Variants in R3HCC1L observed in about 807,000 individuals in gnomAD.
R3HCC1L encodes the protein coiled-coil domain-containing protein R3HCC1L.
Under a neutral mutation model 59.9 loss-of-function variants are expected in R3HCC1L, and 51 were observed. The observed-to-expected ratio is 0.85, with a 90% CI of 0.68 to 1.07. R3HCC1L has a LOEUF of 1.07. Among genes scored for constraint, R3HCC1L ranks in the 50% least tolerant of loss-of-function variants. The pLI, the probability that R3HCC1L is intolerant of heterozygous loss-of-function variation, is 0.00. For synonymous variants in R3HCC1L, 322 were observed against 315.2 expected (o/e 1.02, Z -0.23); for missense variants, 965 against 933.0 (o/e 1.03, Z -0.45).
intron 4 of R3HCC1L, among the ~76,000 whole-genome samples, chr10:98,202,938 G>A (rs990757956): frequency 6.6e-6 from 1 of 152,056 alleles, no homozygotes; most frequent in African/African-American, 2.4e-5. Flanking sequence ...TCACTGTGGA[G>A]GTGTTCTAGA....
intron 4 of R3HCC1L, among the ~76,000 whole-genome samples, chr10:98,189,284 G>T (rs1212545411): frequency 1.3e-5 from 2 of 152,182 alleles, no homozygotes; most frequent in Non-Finnish European, 2.9e-5. Context: ...TAGTACAGCT[G>T]TGCATTGCAT....
chr10:98,211,641 A>T (rs533640007), intron 5 of R3HCC1L, among the ~76,000 whole-genome samples: 24 of 152,274 alleles, frequency 1.6e-4, no homozygotes, highest in East Asian at 9.6e-4. Flanking sequence ...CCAAAAGAAG[A>T]GCGTGGCTCT....
intron 4 of R3HCC1L, among the ~76,000 whole-genome samples, chr10:98,185,622 A>G (rs897223548): frequency 6.6e-6 from 1 of 152,234 alleles, no homozygotes; most frequent in African/African-American, 2.4e-5. Context: ...TGAGAATCTG[A>G]AAGAAGAGCC....
chr10:98,217,836 G>T (rs1440741457), intron 5 of R3HCC1L, among the ~76,000 whole-genome samples: 2 of 151,554 alleles, frequency 1.3e-5, no homozygotes, highest in East Asian at 1.9e-4. Flanking sequence ...TGCTATTGGT[G>T]TACAGAAATG....
chr10:98,244,067 G>A (rs780236403), intron 9 of R3HCC1L, 24 bp from the exon 10 acceptor site: 4 of 1,609,056 alleles, frequency 2.5e-6, no homozygotes, highest in South Asian at 1.1e-5. Context: ...AGACAACTGT[G>A]GTTAATACTG....
At chr10:98,163,443 TTACTC>T (rs1464523611) in intron 4 of R3HCC1L, 46 bp downstream of exon 4, 21 of 1,133,460 alleles carry the variant, frequency 1.9e-5, no homozygotes, top group Middle Eastern at 2.1e-4. Context: ...TACTGTCTGT[TTACTC>T]TAAAGATTTG....
intron 4 of R3HCC1L, among the ~76,000 whole-genome samples, chr10:98,169,216 AG>A (rs1212334445): frequency 6.6e-6 from 1 of 152,208 alleles, no homozygotes; most frequent in Non-Finnish European, 1.5e-5. Flanking sequence ...ATGGATTCTA[AG>A]CAAATTGTGA....
intron 1 of R3HCC1L, among the ~76,000 whole-genome samples, chr10:98,135,483 CTA>C (rs1382888679): frequency 6.6e-6 from 1 of 152,198 alleles, no homozygotes; most frequent in Non-Finnish European, 1.5e-5. Context: ...GCTTTGAACT[CTA>C]AAGTATGTTT....
At chr10:98,198,282 A>G (rs1484244058) in intron 4 of R3HCC1L, among the ~76,000 whole-genome samples, 1 of 152,248 alleles carries the variant, frequency 6.6e-6, no homozygotes, top group East Asian at 1.9e-4. Context: ...ATCACTTAAT[A>G]TAATTTTTAA....
chr10:98,198,158 C>T (rs923120878), intron 4 of R3HCC1L, among the ~76,000 whole-genome samples: 6 of 151,888 alleles, frequency 4.0e-5, no homozygotes, highest in African/African-American at 1.5e-4. Flanking sequence ...TGATACTGTT[C>T]ACCAAACTAT....
At chr10:98,187,878 A>G (rs538490341) in intron 4 of R3HCC1L, among the ~76,000 whole-genome samples, 1 of 152,032 alleles carries the variant, frequency 6.6e-6, no homozygotes, top group Non-Finnish European at 1.5e-5. Context: ...GTAGGGCTAC[A>G]GATGTGCACC....
At chr10:98,193,862 C>T (rs1287062173) in intron 4 of R3HCC1L, among the ~76,000 whole-genome samples, 1 of 152,092 alleles carries the variant, frequency 6.6e-6, no homozygotes. Context: ...AATATTGATG[C>T]AATACTGTTG....
At position 98,143,650 on chromosome 10, in the gene R3HCC1L, G is replaced by A. The variant is rs533531995; in HGVS notation, c.-268+8944G>A. ...GCTGCAGTTTATTAACTTGCAGTTT[G>A]CCCCCTCAGTGGAGAGAAAACATTA... On this transcript the variant is annotated intron_variant, in intron 1 of 9. Coordinates refer to ENST00000298999, the MANE Select transcript of R3HCC1L (RefSeq NM_001351015.2). Among the ~76,000 whole-genome samples the A allele has an allele frequency of 3.3e-5, 5 of 152,282 alleles. No homozygotes were observed. The South Asian group carries it at 1.0e-3, about 32-fold the overall frequency.
intron 4 of R3HCC1L, among the ~76,000 whole-genome samples, chr10:98,189,355 G>A (rs1202430342): frequency 6.6e-6 from 1 of 152,146 alleles, no homozygotes; most frequent in Admixed American, 6.6e-5. Context: ...TATACATGGC[G>A]CAGTTTGGCA....
chr10:98,204,761 CTGTTT>C (rs1434958494), intron 4 of R3HCC1L, among the ~76,000 whole-genome samples: 1 of 151,962 alleles, frequency 6.6e-6, no homozygotes, highest in Non-Finnish European at 1.5e-5. Context: ...TATACTTGTT[CTGTTT>C]TATTAGTTAT....
chr10:98,233,602 G>A (rs1856614920), intron 6 of R3HCC1L, among the ~76,000 whole-genome samples: 1 of 152,130 alleles, frequency 6.6e-6, no homozygotes, highest in Non-Finnish European at 1.5e-5. Context: ...CTTGCCCAGG[G>A]TCTCAAGGTG....
Position 98,207,800 on chromosome 10 carries a change from T to G in R3HCC1L, c.-14-301T>G, listed in dbSNP as rs571396832. Among the ~76,000 whole-genome samples the G allele has an allele frequency of 2.6e-5, 4 of 151,880 alleles. No individual in the cohort carries two copies. In the East Asian group the frequency reaches 5.8e-4, roughly 22 times the overall value. On this transcript the variant is annotated intron_variant, in intron 4 of 9. Transcript: ENST00000298999. ...TGGGTAGATTGCCTTAAGCTCAGCCTGGGCTTGAGACCAGCCTAGGCAACA... is the reference window on the plus strand; with the variant it reads ...TGGGTAGATTGCCTTAAGCTCAGCCGGGGCTTGAGACCAGCCTAGGCAACA...
intron 9 of R3HCC1L, among the ~76,000 whole-genome samples, chr10:98,243,825 C>T (rs1857794299): frequency 6.6e-6 from 1 of 152,146 alleles, no homozygotes; most frequent in Admixed American, 6.5e-5. Context: ...GAATCTGAGT[C>T]CCTACTAGAT....
chr10:98,237,222 G>A (rs1317885957), intron 9 of R3HCC1L, among the ~76,000 whole-genome samples: 3 of 152,094 alleles, frequency 2.0e-5, no homozygotes, highest in Admixed American at 6.6e-5. Flanking sequence ...TTACTCAAAG[G>A]CCTCCTACAG....
Sources: allele counts gnomAD v4.1 joint callset (sites outside exome capture counted in the v4.1 genomes callset), GRCh38; gene constraint gnomAD v4.1.1; transcripts MANE v1.5; gene names NCBI Gene and HGNC (gene_info 2026-07-23, HGNC 2026-07-21).